Variants in VSTM4 observed in about 807,000 individuals in gnomAD.
VSTM4 encodes V-set and transmembrane domain containing 4.
In VSTM4, 20 loss-of-function variants were observed where a neutral mutation model predicts 36.4. The observed-to-expected ratio is 0.55, with a 90% confidence interval of 0.39 to 0.80. VSTM4 has a LOEUF of 0.80. Among genes scored for constraint, VSTM4 ranks in the 30% least tolerant of loss-of-function variants. VSTM4 has a pLI of 0.00. For synonymous variants in VSTM4, 182 were observed against 173.9 expected, an observed-to-expected ratio of 1.05 and a Z score of -0.37; for missense variants, 392 against 404.5, an observed-to-expected ratio of 0.97 and a Z score of 0.26.
Position 49,017,864 on chromosome 10 carries a change from A to G in VSTM4, c.*1786T>C, listed in dbSNP as rs1256765661. On this transcript the variant is annotated 3_prime_UTR_variant, in exon 8 of 8. Coordinates refer to ENST00000332853, the MANE Select transcript of VSTM4 (RefSeq NM_001031746.5). ...AATCCCTGTGATAATTATTATATAAATGGTGTGCTAACCATATATCCTCCC... is the reference window on the plus strand; with the variant it reads ...AATCCCTGTGATAATTATTATATAAGTGGTGTGCTAACCATATATCCTCCC... 1.3e-5 allele frequency: 2 copies of G among 152,250 alleles called. No homozygotes were observed. Among genetic ancestry groups the G allele is most frequent in the East Asian group, 1.9e-4 (1 of 5,200 alleles). The allele number at this position is 152,250 out of a possible 1,614,324, so 9.4% of individuals were successfully genotyped here. A position where few individuals can be genotyped will look rare whatever the true frequency, so the allele number is the denominator to read the frequency against.
In VSTM4 at chr10:49,016,974, AATGG is replaced by A. The variant is rs1843113660; in HGVS notation, c.*2672_*2675del. On this transcript the variant is annotated 3_prime_UTR_variant, in exon 8 of 8. Coordinates refer to ENST00000332853, the MANE Select transcript of VSTM4 (RefSeq NM_001031746.5). ...TGAAAGAAGCCACTGCACTCTAACCAATGGGTTCATACTTCTTTTAGCTTCATTT... is the reference window on the plus strand; with the variant it reads ...TGAAAGAAGCCACTGCACTCTAACCAGTTCATACTTCTTTTAGCTTCATTT... 1 of 152,270 alleles carries A rather than the reference AATGG, an allele frequency of 6.6e-6. No homozygotes were observed. Among genetic ancestry groups the A allele is most frequent in the Non-Finnish European group, 1.5e-5 (1 of 68,040 alleles). 9.4% of individuals were successfully genotyped at this position (152,270 alleles called of 1,614,324 possible). A position where few individuals can be genotyped will look rare whatever the true frequency, so the allele number is the denominator to read the frequency against.
intron 5 of VSTM4, among the ~76,000 whole-genome samples, chr10:49,049,535 G>A (rs1360865759): frequency 6.6e-6 from 1 of 152,094 alleles, no homozygotes; most frequent in Non-Finnish European, 1.5e-5. Context: ...TCTCTTGTCC[G>A]CAGGCACATG....
At chr10:49,034,518 T>C (rs529673741) in intron 7 of VSTM4, among the ~76,000 whole-genome samples, 1 of 152,340 alleles carries the variant, frequency 6.6e-6, no homozygotes, top group East Asian at 1.9e-4. Context: ...TCACATGTGC[T>C]CGTTGGAAAT....
chr10:49,075,758 C>T (rs148884448), intron 4 of VSTM4, among the ~76,000 whole-genome samples: 2 of 152,350 alleles, frequency 1.3e-5, no homozygotes, highest in Non-Finnish European at 2.9e-5. Context: ...CTCCACTGCC[C>T]TCTGGATCCC....
Position 49,107,697 on chromosome 10 carries a change from C to CT in VSTM4, c.353dup (p.Pro119AlafsTer42). 6.2e-7 allele frequency: 1 copy of CT among 1,614,226 alleles called. No homozygotes were observed. Among genetic ancestry groups the CT allele is most frequent in the Non-Finnish European group, 8.5e-7 (1 of 1,180,030 alleles). ...AGACGTAATGCCCTTGATCGGAGGGCTGCAGTGTCAAGACGGAGAGCCTGT... is the reference window on the plus strand; with the variant it reads ...AGACGTAATGCCCTTGATCGGAGGGCTTGCAGTGTCAAGACGGAGAGCCTGT... On this transcript the variant is annotated frameshift_variant, in exon 2 of 8. Coordinates refer to ENST00000332853, the MANE Select transcript of VSTM4 (RefSeq NM_001031746.5). LOFTEE classifies it high-confidence loss of function.
chr10:49,049,178 G>A (rs1357062285), intron 5 of VSTM4, among the ~76,000 whole-genome samples: 2 of 152,184 alleles, frequency 1.3e-5, no homozygotes, highest in Non-Finnish European at 2.9e-5. Context: ...GGTGAAGGGA[G>A]CTCACCTTGA....
chr10:49,112,210 A>C (rs79051490), intron 1 of VSTM4, among the ~76,000 whole-genome samples: 106 of 152,354 alleles, frequency 7.0e-4, no homozygotes, highest in African/African-American at 2.5e-3. Context: ...GAAGAGACTG[A>C]TACAAACAGA....
At chr10:49,030,528 G>T (rs1195333138) in intron 7 of VSTM4, among the ~76,000 whole-genome samples, 6 of 152,220 alleles carry the variant, frequency 3.9e-5, no homozygotes, top group African/African-American at 1.4e-4. Context: ...CACCCAGCAT[G>T]CTCTAGGACA....
intron 5 of VSTM4, among the ~76,000 whole-genome samples, chr10:49,049,114 T>C (rs1205771152): frequency 1.3e-5 from 2 of 152,074 alleles, no homozygotes; most frequent in East Asian, 3.9e-4. Flanking sequence ...GTGTCTGGGG[T>C]CCCCTGTGAC....
At chr10:49,104,171 T>C (rs1480231467) in intron 2 of VSTM4, among the ~76,000 whole-genome samples, 1 of 152,064 alleles carries the variant, frequency 6.6e-6, no homozygotes, top group Non-Finnish European at 1.5e-5. Flanking sequence ...TGGTGGCGCA[T>C]AGCTGTAATC....
In VSTM4 at chr10:49,071,582, A is replaced by G. The variant is rs111667727; in HGVS notation, c.634+5637T>C. 7.2e-4 allele frequency among the ~76,000 whole-genome samples: 110 copies of G among 152,370 alleles called. 1 individual carries two copies. Among genetic ancestry groups the G allele is most frequent in the African/African-American group, 2.5e-3 (104 of 41,576 alleles). On this transcript the variant is annotated intron_variant, in intron 4 of 7. Coordinates refer to ENST00000332853, the MANE Select transcript of VSTM4 (RefSeq NM_001031746.5). ...GCAGTGCCAGGCTTGGGGTGAGGGC[A>G]GAGAAGCAGCAAGGCTGAGAGTGAA...
At chr10:49,094,947 C>G (rs1844542915) in intron 2 of VSTM4, among the ~76,000 whole-genome samples, 1 of 152,140 alleles carries the variant, frequency 6.6e-6, no homozygotes, top group Non-Finnish European at 1.5e-5. Flanking sequence ...TCAGTAGGAC[C>G]TCTGAGTGAC....
At chr10:49,036,296 G>A (rs1843430303) in intron 7 of VSTM4, among the ~76,000 whole-genome samples, 1 of 152,196 alleles carries the variant, frequency 6.6e-6, no homozygotes, top group African/African-American at 2.4e-5. Flanking sequence ...GTACCTAGGG[G>A]AGCATAGAAA....
chr10:49,097,779 C>A (rs1431798865), intron 2 of VSTM4, among the ~76,000 whole-genome samples: 1 of 152,212 alleles, frequency 6.6e-6, no homozygotes, highest in African/African-American at 2.4e-5. Flanking sequence ...ATGAAATTGT[C>A]ATCTCATTTC....
chr10:49,024,218 C>T (rs1011913537), intron 7 of VSTM4, among the ~76,000 whole-genome samples: 1 of 152,148 alleles, frequency 6.6e-6, no homozygotes, highest in Non-Finnish European at 1.5e-5. Flanking sequence ...TATTCAGCTG[C>T]TTGGTATTTT....
chr10:49,020,197 T>C (rs1408533513), intron 7 of VSTM4, among the ~76,000 whole-genome samples: 1 of 152,194 alleles, frequency 6.6e-6, no homozygotes, highest in East Asian at 1.9e-4. Flanking sequence ...TTTTTGTAAA[T>C]GACTTAGTAT....
rs1003082638 is a variant in VSTM4, at chr10:49,018,022, G to T, written c.*1628C>A. Reference sequence around the variant, plus strand: ...AGGAATGAGACACAGGTGTTATCCAGAGAGGGTGAACTTCCACTTTGTAAA... The same window carrying T: ...AGGAATGAGACACAGGTGTTATCCATAGAGGGTGAACTTCCACTTTGTAAA... On this transcript the variant is annotated 3_prime_UTR_variant, in exon 8 of 8. Transcript: ENST00000332853. 1 of 152,224 alleles carries T rather than the reference G, an allele frequency of 6.6e-6. No homozygotes were observed. Among genetic ancestry groups the T allele is most frequent in the African/African-American group, 2.4e-5 (1 of 41,454 alleles). 9.4% of individuals were successfully genotyped at this position (152,224 alleles called of 1,614,324 possible).
In VSTM4 at chr10:49,103,987, T is replaced by A. The variant is rs1590134559; in HGVS notation, c.457+3607A>T. 4 of 730,930 alleles carry A rather than the reference T, an allele frequency of 5.5e-6. No homozygotes were observed. In the East Asian group the frequency reaches 8.1e-5, roughly 15 times the overall value. 45.3% of individuals were successfully genotyped at this position (730,930 alleles called of 1,614,324 possible). A position where few individuals can be genotyped will look rare whatever the true frequency, so the allele number is the denominator to read the frequency against. On this transcript the variant is annotated intron_variant, in intron 2 of 7. Transcript: ENST00000332853. ...AACCCAAAGGTACGGACCACAGAAC[T>A]TCTCATCCTTGTTGTTCTGTGTTTT...
At chr10:49,047,108 A>G in intron 6 of VSTM4, 64 bp from the exon 7 acceptor site, 1 of 1,490,856 alleles carries the variant, frequency 6.7e-7, no homozygotes, top group South Asian at 1.1e-5. Flanking sequence ...GCCACACATT[A>G]TGAGCATCAG....
Sources: allele counts gnomAD v4.1 joint callset (sites outside exome capture counted in the v4.1 genomes callset), GRCh38; gene constraint gnomAD v4.1.1; transcripts MANE v1.5; gene names NCBI Gene and HGNC (gene_info 2026-07-23, HGNC 2026-07-21).